Variants in CFDP1 observed in about 807,000 individuals in gnomAD.
CFDP1 encodes chromatin remodeling protein CFDP1.
A neutral mutation model predicts 40.1 loss-of-function variants in CFDP1; 31 were observed. The observed-to-expected ratio is 0.77, with a 90% CI of 0.58 to 1.04. The LOEUF is 1.04. Among genes scored for constraint, CFDP1 ranks in the 50% least tolerant of loss-of-function variants. The pLI is 0.00. For missense variants in CFDP1, 423 were observed against 343.4 expected (o/e 1.23, Z -1.83); for synonymous variants, 167 against 120.0 (o/e 1.39, Z -2.56).
At chr16:75,312,120 G>A (rs2078296626) in intron 5 of CFDP1, among the ~76,000 whole-genome samples, 1 of 151,974 alleles carries the variant, frequency 6.6e-6, no homozygotes, top group African/African-American at 2.4e-5. Context: ...CAAATCCCTG[G>A]GCAAATTTCA....
chr16:75,303,124 C>T (rs965815383), intron 6 of CFDP1, among the ~76,000 whole-genome samples: 2 of 148,802 alleles, frequency 1.3e-5, no homozygotes, highest in African/African-American at 5.0e-5. Context: ...CGCTTGAACC[C>T]GGCAGGCAGA....
intron 5 of CFDP1, among the ~76,000 whole-genome samples, chr16:75,370,943 A>G (rs2078747034): frequency 6.6e-6 from 1 of 152,184 alleles, no homozygotes; most frequent in Non-Finnish European, 1.5e-5. Flanking sequence ...GCTTACTACA[A>G]AATTCAGGTT....
intron 6 of CFDP1, among the ~76,000 whole-genome samples, chr16:75,304,337 A>T (rs931954425): frequency 2.0e-5 from 3 of 152,202 alleles, no homozygotes; most frequent in African/African-American, 7.2e-5. Context: ...GAAAGTGCCA[A>T]GATTACAGGT....
chr16:75,395,619 A>G (rs2078990079), intron 4 of CFDP1, among the ~76,000 whole-genome samples: 1 of 152,178 alleles, frequency 6.6e-6, no homozygotes, highest in South Asian at 2.1e-4. Flanking sequence ...AGATCACGCC[A>G]TTGCACTCCA....
chr16:75,432,462 G>A (rs1484038791), intron 1 of CFDP1, among the ~76,000 whole-genome samples: 5 of 151,814 alleles, frequency 3.3e-5, no homozygotes, highest in South Asian at 2.1e-4. Flanking sequence ...GAGACGGGAG[G>A]ATCGCTTGAG....
intron 1 of CFDP1, among the ~76,000 whole-genome samples, chr16:75,421,854 C>G (rs1028417229): frequency 1.3e-5 from 2 of 152,142 alleles, no homozygotes; most frequent in African/African-American, 4.8e-5. Context: ...AGATCTCCCC[C>G]ACCCCACACC....
intron 5 of CFDP1, among the ~76,000 whole-genome samples, chr16:75,384,790 C>A (rs1326640544): frequency 7.8e-6 from 1 of 128,496 alleles, no homozygotes. Flanking sequence ...TTATATTGAA[C>A]CTGGAGAGAT....
chr16:75,414,668 T>C lies in CFDP1; in HGVS notation c.92A>G (p.Asn31Ser). 1 of 1,612,506 alleles carries C rather than the reference T, an allele frequency of 6.2e-7. No homozygotes were observed. The highest frequency in any genetic ancestry group is 8.5e-7 in the Non-Finnish European group (1 of 1,178,614). ...CACTTCATCTTCCTTCACTAATTCA[T>C]TTACATCATCTTCACTATACTCTCC... ...SGGEYSEDDV[N>S]ELVKEDEVDG... is the part of the protein sequence containing the mutation. Residue 31 changes from asparagine to serine, a missense_variant, in exon 2 of 7, where the codon AAT (asparagine) becomes AGT (serine). Physicochemically the swap from Asn to Ser is conservative, Grantham distance 46. Transcript: ENST00000283882.
At chr16:75,383,994 T>A (rs1179830191) in intron 5 of CFDP1, among the ~76,000 whole-genome samples, 1 of 152,196 alleles carries the variant, frequency 6.6e-6, no homozygotes, top group African/African-American at 2.4e-5. Flanking sequence ...AATTTATTCA[T>A]TCCGTAACAT....
At chr16:75,430,507 C>T (rs972723946) in intron 1 of CFDP1, among the ~76,000 whole-genome samples, 2 of 151,860 alleles carry the variant, frequency 1.3e-5, no homozygotes, top group African/African-American at 2.4e-5. Flanking sequence ...CTCTGTTACC[C>T]AGGCTGGAGT....
chr16:75,324,737 T>C (rs1371151228), intron 5 of CFDP1: 1 of 93,268 alleles, frequency 1.1e-5, no homozygotes, highest in African/African-American at 3.9e-5. Context: ...AGTGAGACTT[T>C]GTCTTAAAAA....
At position 75,433,361 on chromosome 16, in the gene CFDP1, C is replaced by A. The variant is rs368696378; in HGVS notation, c.-9G>T. ...GAGTCGAATTCCTCCATGTTGCTGC[C>A]GCTCGACGCTGGTCAAACTCACAAG... On this transcript the variant is annotated 5_prime_UTR_variant, in exon 1 of 7. Transcript: ENST00000283882. The A allele has an allele frequency of 1.3e-6, 2 of 1,584,694 alleles. No individual in the cohort carries two copies. The highest frequency in any genetic ancestry group is 4.6e-5 in the East Asian group (2 of 43,678).
intron 5 of CFDP1, among the ~76,000 whole-genome samples, chr16:75,309,292 G>C (rs1190606471): frequency 6.6e-6 from 1 of 152,132 alleles, no homozygotes; most frequent in African/African-American, 2.4e-5. Flanking sequence ...CTGCCACAAA[G>C]GTACATGAAC....
chr16:75,374,414 T>A (rs149197436), intron 5 of CFDP1, among the ~76,000 whole-genome samples: 163 of 152,202 alleles, frequency 1.1e-3, no homozygotes, highest in African/African-American at 3.7e-3. Context: ...TCCATTTATA[T>A]AAATAAAAAA....
intron 5 of CFDP1, among the ~76,000 whole-genome samples, chr16:75,388,721 A>G (rs771933696): frequency 2.4e-4 from 36 of 152,204 alleles, no homozygotes; most frequent in Admixed American, 1.4e-3. Context: ...TGCTGAACAA[A>G]CCAAAGATTG....
intron 5 of CFDP1, among the ~76,000 whole-genome samples, chr16:75,316,193 C>G (rs2078322226): frequency 6.6e-6 from 1 of 152,204 alleles, no homozygotes; most frequent in African/African-American, 2.4e-5. Context: ...CCTGGCGATG[C>G]CAAGCGTGAT....
Position 75,305,085 on chromosome 16 carries a change from T to C in CFDP1, c.748A>G (p.Ser250Gly). ...TLEKSKLDWE[S>G]FKEEEGIGEE... ...CCAATCCCCTCTTCCTCCTTGAAGC[T>C]CTCCCAGTCCAGTTTGGACTTCTCA... Residue 250 changes from serine (S) to glycine (G), a missense_variant, in exon 6 of 7, where the codon AGC (serine) becomes GGC (glycine). Coordinates refer to ENST00000283882, the MANE Select transcript of CFDP1 (RefSeq NM_006324.3). 1.2e-6 allele frequency: 2 copies of C among 1,614,130 alleles called. No individual in the cohort carries two copies. Among genetic ancestry groups the C allele is most frequent in the Admixed American group, 1.7e-5 (1 of 60,014 alleles).
intron 5 of CFDP1, among the ~76,000 whole-genome samples, chr16:75,379,302 C>G (rs374492182): frequency 2.4e-4 from 33 of 139,144 alleles, no homozygotes; most frequent in Middle Eastern, 3.7e-3. Flanking sequence ...TTGAACAGAT[C>G]AATAAAATCG....
intron 4 of CFDP1, among the ~76,000 whole-genome samples, chr16:75,411,102 C>T (rs1390293017): frequency 2.6e-5 from 4 of 151,916 alleles, no homozygotes; most frequent in Non-Finnish European, 5.9e-5. Context: ...CTTGCAATCC[C>T]ATCTACTTGG....
Sources: gnomAD v4.1 joint callset for allele counts (sites outside exome capture counted in the v4.1 genomes callset) on GRCh38, gnomAD v4.1.1 for gene constraint, MANE v1.5 for transcripts, NCBI Gene and HGNC (gene_info 2026-07-23, HGNC 2026-07-21) for gene names.